RBFOX1: variants seen among roughly 807,000 people sequenced by gnomAD.
The protein encoded by RBFOX1 is RNA binding protein fox-1 homolog 1.
In RBFOX1, 8 loss-of-function variants were observed where a neutral mutation model predicts 57.7. That is an observed-to-expected ratio of 0.14 (90% CI 0.08 to 0.25). RBFOX1 has a LOEUF of 0.25. Among genes scored for constraint, RBFOX1 ranks in the 10% least tolerant of loss-of-function variants. The pLI, the probability that RBFOX1 is intolerant of heterozygous loss-of-function variation, is 1.00. For missense variants in RBFOX1, 611 were observed against 548.5 expected (o/e 1.11, Z -1.14); for synonymous variants, 326 against 222.4 (o/e 1.47, Z -4.15).
chr16:6,978,688 G>T (rs368695612), intron 3 of RBFOX1, among the ~76,000 whole-genome samples: 4 of 152,162 alleles, frequency 2.6e-5, no homozygotes, highest in East Asian at 3.9e-4. Context: ...GGAAGCTGAG[G>T]TTTTGCCAAT....
At chr16:5,365,914 A>G (rs490052) in intron 1 of RBFOX1, 201,679 of 492,304 alleles carry the variant, frequency 0.41, 43,828 homozygotes, top group East Asian at 0.66. Flanking sequence ...GAAAAGGAGC[A>G]CCAGTTATCT....
intron 2 of RBFOX1, among the ~76,000 whole-genome samples, chr16:5,556,428 C>T (rs1190944617): frequency 1.3e-5 from 2 of 152,206 alleles, no homozygotes; most frequent in Non-Finnish European, 2.9e-5. Flanking sequence ...CCAGAGGCAA[C>T]GTTTCCAGGT....
At chr16:6,675,196 G>A (rs941484323) in intron 3 of RBFOX1, among the ~76,000 whole-genome samples, 4 of 152,138 alleles carry the variant, frequency 2.6e-5, no homozygotes, top group Admixed American at 1.3e-4. Flanking sequence ...AAGCCACTGC[G>A]CCCGGCCCAT....
chr16:6,905,305 G>T (rs2069569361), intron 3 of RBFOX1, among the ~76,000 whole-genome samples: 1 of 151,762 alleles, frequency 6.6e-6, no homozygotes, highest in South Asian at 2.1e-4. Context: ...TGTAATCCTA[G>T]AACTTTGGGA....
At chr16:5,804,153 G>A (rs1349593796) in intron 3 of RBFOX1, among the ~76,000 whole-genome samples, 4 of 152,138 alleles carry the variant, frequency 2.6e-5, no homozygotes, top group African/African-American at 7.2e-5. Context: ...ATTCATTTTG[G>A]TGTCCTTCAA....
At chr16:7,650,696 A>G (rs2064862089) in intron 11 of RBFOX1, among the ~76,000 whole-genome samples, 1 of 152,228 alleles carries the variant, frequency 6.6e-6, no homozygotes, top group African/African-American at 2.4e-5. Context: ...AGCCAGTGAC[A>G]ATGAATGGGT....
intron 2 of RBFOX1, among the ~76,000 whole-genome samples, chr16:6,531,291 C>T (rs1351411836): frequency 1.3e-5 from 2 of 152,154 alleles, no homozygotes; most frequent in East Asian, 1.9e-4. Context: ...TTCAACCTCC[C>T]CTTGTTGCAG....
chr16:7,282,849 G>C (rs1193860797), intron 4 of RBFOX1, among the ~76,000 whole-genome samples: 1 of 152,144 alleles, frequency 6.6e-6, no homozygotes, highest in African/African-American at 2.4e-5. Flanking sequence ...TTCCATTCCT[G>C]AGTTACTTCA....
At chr16:6,015,064 C>T (rs1201322438), upstream of RBFOX1, among the ~76,000 whole-genome samples, 1 of 151,976 alleles carries the variant, frequency 6.6e-6, no homozygotes, top group African/African-American at 2.4e-5. Flanking sequence ...ACAGTGTTTC[C>T]CAGGCTGGTC....
At chr16:6,808,596 G>T (rs2087563308) in intron 3 of RBFOX1, among the ~76,000 whole-genome samples, 1 of 152,074 alleles carries the variant, frequency 6.6e-6, no homozygotes, top group Admixed American at 6.5e-5. Context: ...ATCTCAGGGT[G>T]TTGGTAGTTG....
chr16:5,400,015 A>G (rs2066668720), intron 1 of RBFOX1, among the ~76,000 whole-genome samples: 1 of 152,024 alleles, frequency 6.6e-6, no homozygotes, highest in African/African-American at 2.4e-5. Flanking sequence ...CCCATCCTCC[A>G]CATCCAGGTA....
In RBFOX1 at chr16:7,594,192, C is replaced by G. The variant is rs558543045; in HGVS notation, c.469-1357C>G. Among the ~76,000 whole-genome samples, 46 of 151,830 alleles carry G rather than the reference C, an allele frequency of 3.0e-4. 1 individual carries two copies. Among genetic ancestry groups the G allele is most frequent in the African/African-American group, 1.0e-3 (42 of 41,388 alleles). Reference sequence around the variant, plus strand: ...GCCCTGTGGTCAATACCTCTTTAGCCTTAAATTTGGAGGTGATTATAGAGA... The same window carrying G: ...GCCCTGTGGTCAATACCTCTTTAGCGTTAAATTTGGAGGTGATTATAGAGA... On this transcript the variant is annotated intron_variant, in intron 7 of 15. Transcript: ENST00000550418.
intron 4 of RBFOX1, among the ~76,000 whole-genome samples, chr16:5,974,889 C>T (rs964202160): frequency 2.0e-5 from 3 of 151,194 alleles, no homozygotes; most frequent in Non-Finnish European, 3.0e-5. Context: ...ATGCCTATTA[C>T]CCTGGCTACT....
chr16:5,911,188 C>G (rs2058594081), intron 4 of RBFOX1, among the ~76,000 whole-genome samples: 1 of 152,148 alleles, frequency 6.6e-6, no homozygotes. Context: ...ATCTTGCAGC[C>G]CATTTGGCTT....
chr16:5,992,750 A>G (rs926903091), intron 4 of RBFOX1, among the ~76,000 whole-genome samples: 1 of 152,210 alleles, frequency 6.6e-6, no homozygotes, highest in Non-Finnish European at 1.5e-5. Flanking sequence ...CCTGGCCAAC[A>G]TGGTGAAACC....
intron 3 of RBFOX1, among the ~76,000 whole-genome samples, chr16:6,967,869 T>A (rs914358291): frequency 6.6e-6 from 1 of 152,130 alleles, no homozygotes; most frequent in African/African-American, 2.4e-5. Flanking sequence ...AGAATTGGGT[T>A]GTCAGTCTGA....
At chr16:6,833,479 T>G (rs2092859858) in intron 3 of RBFOX1, among the ~76,000 whole-genome samples, 2 of 152,158 alleles carry the variant, frequency 1.3e-5, no homozygotes, top group Non-Finnish European at 2.9e-5. Context: ...AAGCTTTATT[T>G]TAGCTCCCAC....
Position 6,861,184 on chromosome 16 carries a change from G to C in RBFOX1, c.-15-190873G>C, listed in dbSNP as rs563062504. Reference sequence around the variant, plus strand: ...GTCTCATGTATTGCATAAGAAAAAAGAGTGCATCTGAACAGCTACAGTTAC... The same window carrying C: ...GTCTCATGTATTGCATAAGAAAAAACAGTGCATCTGAACAGCTACAGTTAC... On this transcript the variant is annotated intron_variant, in intron 3 of 15. Coordinates refer to ENST00000550418, the MANE Select transcript of RBFOX1 (RefSeq NM_018723.4). Among the ~76,000 whole-genome samples the C allele has an allele frequency of 3.3e-5, 5 of 152,274 alleles. No homozygotes were observed. The South Asian group carries it at 6.2e-4, about 19-fold the overall frequency.
intron 3 of RBFOX1, among the ~76,000 whole-genome samples, chr16:7,021,299 T>C (rs2038978949): frequency 6.7e-6 from 1 of 148,444 alleles, no homozygotes; most frequent in Non-Finnish European, 1.5e-5. Flanking sequence ...ATTTTCTCTC[T>C]CTCTCTATAT....
Sources: allele counts gnomAD v4.1 joint callset (sites outside exome capture counted in the v4.1 genomes callset), GRCh38; gene constraint gnomAD v4.1.1; transcripts MANE v1.5; gene names NCBI Gene and HGNC (gene_info 2026-07-23, HGNC 2026-07-21).